Variants in KHDRBS2 observed in about 807,000 individuals in gnomAD.
KHDRBS2 encodes KH domain-containing, RNA-binding, signal transduction-associated protein 2.
In KHDRBS2, 26 loss-of-function variants were observed where a neutral mutation model predicts 44.3. The observed-to-expected ratio is 0.59, with a 90% CI of 0.43 to 0.81. The LOEUF is 0.81. Among genes scored for constraint, KHDRBS2 ranks in the 40% least tolerant of loss-of-function variants. The pLI, the probability that KHDRBS2 is intolerant of heterozygous loss-of-function variation, is 0.00. For synonymous variants in KHDRBS2, 194 were observed against 151.1 expected, an observed-to-expected ratio of 1.28 and a Z score of -2.08; for missense variants, 476 against 433.1, an observed-to-expected ratio of 1.10 and a Z score of -0.88.
chr6:61,756,412 A>G (rs1778496397), intron 6 of KHDRBS2, among the ~76,000 whole-genome samples: 1 of 151,920 alleles, frequency 6.6e-6, no homozygotes, highest in South Asian at 2.1e-4. Flanking sequence ...GGCTCCTGCC[A>G]CTACACTTGG....
In KHDRBS2 at chr6:62,154,895, C is replaced by A. The variant is rs1004046301; in HGVS notation, c.219+22290G>T. On this transcript the variant is annotated intron_variant, in intron 2 of 8. Transcript: ENST00000281156. The stretch of plus-strand genomic sequence containing the variant: ...GGCACAATTCAAGGGAAGAAGGGAC[C>A]ATGCAAGTCATACAAAAATTGTCAT... Among the ~76,000 whole-genome samples, 22 of 152,210 alleles carry A rather than the reference C, an allele frequency of 1.4e-4. 1 individual carries two copies. Among genetic ancestry groups the A allele is most frequent in the Admixed American group, 1.4e-3 (22 of 15,302 alleles).
downstream of KHDRBS2, among the ~76,000 whole-genome samples, chr6:61,679,529 C>A (rs998611673): frequency 5.9e-5 from 9 of 151,902 alleles, no homozygotes; most frequent in African/African-American, 1.4e-4. Flanking sequence ...TCCTTTGAGT[C>A]CTGCGACATA....
chr6:61,811,142 G>A (rs899934207), intron 6 of KHDRBS2, among the ~76,000 whole-genome samples: 1 of 151,828 alleles, frequency 6.6e-6, no homozygotes, highest in African/African-American at 2.4e-5. Flanking sequence ...AATGTCTATT[G>A]TTTCCATCTT....
intron 7 of KHDRBS2, among the ~76,000 whole-genome samples, chr6:61,707,949 G>A (rs1431714627): frequency 6.6e-6 from 1 of 151,388 alleles, no homozygotes; most frequent in African/African-American, 2.4e-5. Context: ...TAAAATCACA[G>A]GTGCCAATAT....
At chr6:61,777,233 A>G (rs1782208347) in intron 6 of KHDRBS2, among the ~76,000 whole-genome samples, 1 of 152,204 alleles carries the variant, frequency 6.6e-6, no homozygotes, top group South Asian at 2.1e-4. Flanking sequence ...GCACATGTAT[A>G]CATATGTAAC....
the KHDRBS2 span, among the ~76,000 whole-genome samples, chr6:61,600,035 C>T: frequency 3.7e-4 from 56 of 152,320 alleles, 1 homozygote; most frequent in African/African-American, 1.3e-3. Flanking sequence ...ACAGTTGGTA[C>T]ACTTAAGGCT....
chr6:61,607,049 G>A, the KHDRBS2 span, among the ~76,000 whole-genome samples: 1 of 152,028 alleles, frequency 6.6e-6, no homozygotes, highest in African/African-American at 2.4e-5. Context: ...TGACAAAATA[G>A]AGTAATATAG....
At chr6:61,962,846 T>A (rs976128804) in intron 4 of KHDRBS2, among the ~76,000 whole-genome samples, 2 of 152,078 alleles carry the variant, frequency 1.3e-5, no homozygotes, top group African/African-American at 4.8e-5. Flanking sequence ...ACTATCAATG[T>A]GGGATTTCGG....
the KHDRBS2 span, among the ~76,000 whole-genome samples, chr6:61,548,017 C>G: frequency 6.6e-6 from 1 of 152,020 alleles, no homozygotes; most frequent in African/African-American, 2.4e-5. Context: ...AAAATATGCA[C>G]CAACTCTGAC....
chr6:62,167,460 A>G (rs1345730369), intron 2 of KHDRBS2, among the ~76,000 whole-genome samples: 1 of 152,190 alleles, frequency 6.6e-6, no homozygotes, highest in Non-Finnish European at 1.5e-5. Context: ...TCTAGACATA[A>G]TACCACTGAA....
chr6:62,006,238 T>G (rs1328714987), intron 3 of KHDRBS2, among the ~76,000 whole-genome samples: 1 of 151,958 alleles, frequency 6.6e-6, no homozygotes, highest in Non-Finnish European at 1.5e-5. Flanking sequence ...ACAGACTTCT[T>G]AAAGGCAACA....
intron 3 of KHDRBS2, among the ~76,000 whole-genome samples, chr6:61,994,571 T>A (rs1337140369): frequency 1.3e-5 from 2 of 151,906 alleles, no homozygotes; most frequent in Admixed American, 1.3e-4. Flanking sequence ...GTGTTATGAG[T>A]TTTTGGGGGT....
intron 2 of KHDRBS2, among the ~76,000 whole-genome samples, chr6:62,076,128 T>G (rs1268634423): frequency 6.6e-6 from 1 of 151,974 alleles, no homozygotes; most frequent in Non-Finnish European, 1.5e-5. Context: ...CATATATTTC[T>G]GTCAGCCCTA....
intron 8 of KHDRBS2, among the ~76,000 whole-genome samples, chr6:61,684,349 G>T (rs539933228): frequency 2.1e-4 from 32 of 151,960 alleles, no homozygotes; most frequent in Non-Finnish European, 3.8e-4. Context: ...GGAACCTTGA[G>T]CATGGAAGAG....
chr6:62,004,701 C>T lies in KHDRBS2; in HGVS notation c.337-26489G>A, dbSNP rs112461518. On this transcript the variant is annotated intron_variant, in intron 3 of 8. Coordinates refer to ENST00000281156, the MANE Select transcript of KHDRBS2 (RefSeq NM_152688.4). ...CTGATACCAAAGCCTGGCAGAGGCA[C>T]AACAACAAAAAAAGAGAATTTTAGA... 1.7e-3 allele frequency among the ~76,000 whole-genome samples: 262 copies of T among 151,900 alleles called. 1 individual carries two copies. Among genetic ancestry groups the T allele is most frequent in the Admixed American group, 2.9e-3 (44 of 15,228 alleles).
chr6:61,817,233 G>A (rs973990917), intron 6 of KHDRBS2, among the ~76,000 whole-genome samples: 1 of 151,746 alleles, frequency 6.6e-6, no homozygotes, highest in Admixed American at 6.6e-5. Context: ...TTTTAAAAAA[G>A]CACTTATTGT....
intron 7 of KHDRBS2, among the ~76,000 whole-genome samples, chr6:61,728,587 T>C (rs1331011017): frequency 6.6e-6 from 1 of 152,166 alleles, no homozygotes; most frequent in Admixed American, 6.6e-5. Context: ...AATGAAACAA[T>C]GTACAGCCAT....
At chr6:61,673,883 C>G in the KHDRBS2 span, among the ~76,000 whole-genome samples, 45 of 149,134 alleles carry the variant, frequency 3.0e-4, no homozygotes, top group East Asian at 8.8e-3. Context: ...CCATCCCCAT[C>G]AAGCTACCAA....
At chr6:62,011,034 G>A (rs1260353756) in intron 3 of KHDRBS2, among the ~76,000 whole-genome samples, 3 of 151,924 alleles carry the variant, frequency 2.0e-5, no homozygotes, top group Non-Finnish European at 4.4e-5. Flanking sequence ...TCACTTTGTG[G>A]TTTCTAATGA....
Sources: gnomAD v4.1 joint callset for allele counts (sites outside exome capture counted in the v4.1 genomes callset) on GRCh38, gnomAD v4.1.1 for gene constraint, MANE v1.5 for transcripts, NCBI Gene and HGNC (gene_info 2026-07-23, HGNC 2026-07-21) for gene names.